The following DAB2IP variants were observed in gnomAD, a reference collection of about 807,000 sequenced individuals.
The protein encoded by DAB2IP is disabled homolog 2-interacting protein.
In DAB2IP, 28 loss-of-function variants were observed where a neutral mutation model predicts 107.2. That is an observed-to-expected ratio of 0.26 (90% confidence interval 0.19 to 0.36). The LOEUF (loss-of-function observed/expected upper bound fraction) is 0.36. DAB2IP is among the 10% of genes least tolerant of loss of function. The probability of loss-of-function intolerance (pLI) is 1.00; values close to 1 mark genes in which losing one functional copy is unlikely to be tolerated. For missense variants in DAB2IP, 1,400 were observed against 1,644.7 expected (o/e 0.85, Z 2.57); for synonymous variants, 755 against 706.4 (o/e 1.07, Z -1.09).
intron 3 of DAB2IP, among the ~76,000 whole-genome samples, chr9:121,710,327 G>A (rs994435029): frequency 2.0e-5 from 3 of 152,196 alleles, no homozygotes; most frequent in African/African-American, 7.2e-5. Flanking sequence ...AAGGGCACCC[G>A]GGGCTCTGCT....
At chr9:121,625,008 C>G (rs1831594703) in intron 1 of DAB2IP, among the ~76,000 whole-genome samples, 1 of 152,156 alleles carries the variant, frequency 6.6e-6, no homozygotes, top group African/African-American at 2.4e-5. Flanking sequence ...ACTGCCTGCC[C>G]CGTCCAGGGC....
In DAB2IP at chr9:121,699,603, C is replaced by G; in HGVS notation, c.362+145C>G. 1.4e-6 allele frequency: 1 copy of G among 698,768 alleles called. No homozygotes were observed. The highest frequency in any genetic ancestry group is 1.9e-6 in the Non-Finnish European group (1 of 534,648). The allele number at this position is 698,768 out of a possible 1,614,324, so 43.3% of individuals were successfully genotyped here. On this transcript the variant is annotated intron_variant, in intron 3 of 15. Coordinates refer to ENST00000408936, the Ensembl canonical transcript of DAB2IP. This position sits in a 1 kb window ranked among gnomAD's most constrained non-coding sequence, Gnocchi z 6.2. ...CGCCGCCCGCCGGGAACTTATGGGG[C>G]CACCTCGGCCGGACTAGGGGGCCCG... is the stretch of plus-strand genomic sequence containing the variant.
chr9:121,731,226 G>T (rs1008458778), intron 3 of DAB2IP, among the ~76,000 whole-genome samples: 3 of 152,182 alleles, frequency 2.0e-5, no homozygotes, highest in Non-Finnish European at 2.9e-5. Flanking sequence ...TTGTTCACCT[G>T]TTTGGCTCCT....
At chr9:121,704,413 G>A (rs778426500) in intron 3 of DAB2IP, among the ~76,000 whole-genome samples, 1 of 152,200 alleles carries the variant, frequency 6.6e-6, no homozygotes, top group African/African-American at 2.4e-5. Flanking sequence ...TCATTTGCTT[G>A]TTGGTGATCG....
chr9:121,773,292 C>T (rs1242069519), exon 12 of DAB2IP: 2 of 1,487,420 alleles, frequency 1.3e-6, no homozygotes, highest in Non-Finnish European at 1.8e-6. Context: ...CCAGCCTCCG[C>T]CCCCACCCCC....
intron 1 of DAB2IP, among the ~76,000 whole-genome samples, chr9:121,604,008 G>A (rs1005194769): frequency 1.3e-5 from 2 of 152,142 alleles, no homozygotes; most frequent in Admixed American, 1.3e-4. Flanking sequence ...GACAGGTAGT[G>A]GAGGAAGCCC....
rs563055656 is a variant in DAB2IP, at chr9:121,732,126, T to TA, written c.363-24885dup. On this transcript the variant is annotated intron_variant, in intron 3 of 15. Coordinates refer to ENST00000408936, the Ensembl canonical transcript of DAB2IP. ...CCAGCAGTCACAGGCTCATAAACTG[T>TA]AACCGTCCTCTTTCCGTTGCCTCTT... Among the ~76,000 whole-genome samples, 80 of 152,260 alleles carry TA rather than the reference T, an allele frequency of 5.3e-4. No individual in the cohort carries two copies. In the South Asian group the frequency reaches 0.016, roughly 30 times the overall value.
chr9:121,648,706 C>T (rs1473445456), upstream of DAB2IP, among the ~76,000 whole-genome samples: 3 of 152,168 alleles, frequency 2.0e-5, no homozygotes, highest in African/African-American at 7.2e-5. Context: ...GCAGCCCTGT[C>T]CCCGCTAAAG....
At chr9:121,590,245 C>T (rs1481828934) in intron 1 of DAB2IP, among the ~76,000 whole-genome samples, 7 of 149,912 alleles carry the variant, frequency 4.7e-5, no homozygotes, top group East Asian at 3.9e-4. Context: ...ATGCCCCACA[C>T]GCACACTAGA....
intron 3 of DAB2IP, chr9:121,751,790 G>T: frequency 3.5e-6 from 1 of 287,448 alleles, no homozygotes; most frequent in Non-Finnish European, 5.2e-6. Context: ...GTGCTGCTTT[G>T]GTCTAGACAG....
intron 1 of DAB2IP, among the ~76,000 whole-genome samples, chr9:121,632,405 A>AGT (rs1831929418): frequency 6.6e-6 from 1 of 152,154 alleles, no homozygotes; most frequent in Admixed American, 6.5e-5. Context: ...GCAGGGACAA[A>AGT]CGCGGCCAAG....
rs746124818 is a variant in DAB2IP, at chr9:121,772,819, C to T, written c.2291C>T (p.Pro764Leu). 31 of 1,606,552 alleles carry T rather than the reference C, an allele frequency of 1.9e-5. No individual in the cohort carries two copies. The highest frequency in any genetic ancestry group is 3.3e-5 in the South Asian group (3 of 90,652). ...ACGCTGGATGGGGAGGCAGGCTCCCCGGCGGGCCCCGACGTCCTCCCCACA... is the reference window on the plus strand; with the variant it reads ...ACGCTGGATGGGGAGGCAGGCTCCCTGGCGGGCCCCGACGTCCTCCCCACA... Residue 764 changes from proline (P) to leucine (L), a missense_variant, in exon 12 of 16, where the codon CCG becomes CTG. Physicochemically the swap from Pro to Leu is moderately conservative, Grantham distance 98. Around this residue, in one of 3 missense-constraint regions of DAB2IP, gnomAD observed 600 missense variants for 659.1 expected, o/e 0.91. Transcript: ENST00000408936. This position sits in a 1 kb window ranked among gnomAD's most constrained non-coding sequence, Gnocchi z 4.7.
At chr9:121,573,288 G>A (rs1589368494) in intron 1 of DAB2IP, among the ~76,000 whole-genome samples, 1 of 152,142 alleles carries the variant, frequency 6.6e-6, no homozygotes, top group South Asian at 2.1e-4. Context: ...TGTTGGTCAA[G>A]CTGGTCTCGA....
At chr9:121,718,660 G>A (rs1193262331) in intron 3 of DAB2IP, among the ~76,000 whole-genome samples, 1 of 152,244 alleles carries the variant, frequency 6.6e-6, no homozygotes, top group African/African-American at 2.4e-5. Flanking sequence ...GATAGTATCA[G>A]TTCATGGCAT....
intron 4 of DAB2IP, among the ~76,000 whole-genome samples, chr9:121,758,524 C>T (rs917968334): frequency 1.3e-5 from 2 of 152,264 alleles, no homozygotes; most frequent in African/African-American, 2.4e-5. Flanking sequence ...AAAGTACGCT[C>T]GGGTTAAGCA....
chr9:121,663,323 C>T (rs1311792760), intron 1 of DAB2IP, among the ~76,000 whole-genome samples: 1 of 152,130 alleles, frequency 6.6e-6, no homozygotes, highest in African/African-American at 2.4e-5. Context: ...TGCGGAAGGG[C>T]CCTACCCAGC....
Position 121,700,619 on chromosome 9 carries a change from G to A in DAB2IP, c.362+1161G>A, listed in dbSNP as rs1829721856. 2.0e-5 allele frequency among the ~76,000 whole-genome samples: 3 copies of A among 152,192 alleles called. No homozygotes were observed. The South Asian group carries it at 6.2e-4, about 31-fold the overall frequency. ...TCTCCCCTCCCCCTTGGTTCTAGCG[G>A]GCAGAGGAGTACAAGTTACAGCCCA... On this transcript the variant is annotated intron_variant, in intron 3 of 15. Coordinates refer to ENST00000408936, the Ensembl canonical transcript of DAB2IP.
At position 121,699,407 on chromosome 9, in the gene DAB2IP, A is replaced by G. The variant is rs1589538637; in HGVS notation, c.311A>G (p.His104Arg). The G allele has an allele frequency of 6.8e-7, 1 of 1,468,388 alleles. No homozygotes were observed. The highest frequency in any genetic ancestry group is 9.1e-7 in the Non-Finnish European group (1 of 1,099,868). The allele number at this position is 1,468,388 out of a possible 1,614,324, so 91.0% of individuals were successfully genotyped here. ...CTGGACCGCAACCACAGCTTCCGCC[A>G]CATCCTGCCGGGGTTCCGGAGCGCC... is the stretch of plus-strand genomic sequence containing the variant. Residue 104 changes from histidine (H) to arginine (R), a missense_variant, in exon 3 of 16, where the codon CAC (histidine) becomes CGC (arginine). Around this residue, in one of 3 missense-constraint regions of DAB2IP, gnomAD observed 283 missense variants for 237.0 expected, o/e 1.19. Coordinates refer to ENST00000408936, the Ensembl canonical transcript of DAB2IP. The surrounding 1 kb of genome is among the most constrained non-coding windows in gnomAD (Gnocchi z 6.2).
exon 16 of DAB2IP, chr9:121,783,555 C>G (rs1184380660): frequency 6.2e-7 from 1 of 1,613,936 alleles, no homozygotes; most frequent in African/African-American, 1.3e-5. Context: ...GAAACAAAAG[C>G]CCGCTTGCTC....
Sources: allele counts gnomAD v4.1 joint callset (sites outside exome capture counted in the v4.1 genomes callset), GRCh38; gene constraint gnomAD v4.1.1; regional missense constraint gnomAD v4.1.1; non-coding constraint Gnocchi (gnomAD v3.1); transcripts MANE v1.5; gene names NCBI Gene and HGNC (gene_info 2026-07-23, HGNC 2026-07-21).